XPR1: variants seen among roughly 807,000 people sequenced by gnomAD.
XPR1 encodes solute carrier family 53 member 1.
In XPR1, 28 loss-of-function variants were observed where a neutral mutation model predicts 87.5. That is an observed-to-expected ratio of 0.32 (90% CI 0.24 to 0.44). The LOEUF is 0.44. Ranked by LOEUF, XPR1 falls within the 20% of genes least tolerant of loss-of-function variation. XPR1 has a pLI of 1.00. For missense variants in XPR1, 559 were observed against 862.3 expected (o/e 0.65, Z 4.41); for synonymous variants, 300 against 306.1 (o/e 0.98, Z 0.21).
chr1:180,807,989 T>G (rs1184302731), intron 6 of XPR1, among the ~76,000 whole-genome samples: 3 of 152,044 alleles, frequency 2.0e-5, no homozygotes, highest in African/African-American at 4.8e-5. Context: ...AGAGCAAGAC[T>G]CTGTCTCCAA....
intron 3 of XPR1, among the ~76,000 whole-genome samples, chr1:180,800,005 T>G (rs1649723084): frequency 6.6e-6 from 1 of 152,220 alleles, no homozygotes; most frequent in South Asian, 2.1e-4. Context: ...TACTAATTTC[T>G]GCAGTTCTAT....
chr1:180,759,642 A>G (rs964452288), intron 2 of XPR1, among the ~76,000 whole-genome samples: 4 of 152,260 alleles, frequency 2.6e-5, no homozygotes, highest in East Asian at 1.9e-4. Flanking sequence ...CAACCAAAAA[A>G]AGTCCAGGAC....
chr1:180,743,175 T>G (rs1241236001), intron 2 of XPR1, among the ~76,000 whole-genome samples: 1 of 151,840 alleles, frequency 6.6e-6, no homozygotes, highest in Non-Finnish European at 1.5e-5. Context: ...TTATTATTAT[T>G]ATTTTTTTGC....
chr1:180,845,485 C>A (rs576010297), intron 11 of XPR1, among the ~76,000 whole-genome samples: 47 of 152,232 alleles, frequency 3.1e-4, no homozygotes, highest in South Asian at 1.7e-3. Flanking sequence ...CACAGTGGAC[C>A]TGCAAATAGT....
chr1:180,740,575 A>G (rs564195368), intron 2 of XPR1, among the ~76,000 whole-genome samples: 1 of 152,150 alleles, frequency 6.6e-6, no homozygotes, highest in Non-Finnish European at 1.5e-5. Context: ...TATTTTCTCA[A>G]TGATTTTTAC....
chr1:180,863,281 A>G (rs1652277763), intron 11 of XPR1, among the ~76,000 whole-genome samples: 1 of 152,160 alleles, frequency 6.6e-6, no homozygotes, highest in African/African-American at 2.4e-5. Flanking sequence ...AATGTTCTAA[A>G]GTAAAAACAA....
At chr1:180,689,769 C>T (rs1656917038) in intron 2 of XPR1, among the ~76,000 whole-genome samples, 1 of 152,054 alleles carries the variant, frequency 6.6e-6, no homozygotes, top group Admixed American at 6.6e-5. Flanking sequence ...TTATGTAAGA[C>T]GTTAATGATA....
intron 4 of XPR1, among the ~76,000 whole-genome samples, chr1:180,805,320 G>A (rs1411912803): frequency 6.6e-6 from 1 of 152,194 alleles, no homozygotes; most frequent in East Asian, 1.9e-4. Flanking sequence ...GTTTAAAGAT[G>A]TAACCTTGCA....
At chr1:180,699,438 C>T (rs902068037) in intron 2 of XPR1, among the ~76,000 whole-genome samples, 2 of 109,810 alleles carry the variant, frequency 1.8e-5, no homozygotes, top group African/African-American at 3.6e-5. Flanking sequence ...TTGTTCAATT[C>T]CCACCTATGA....
At chr1:180,770,333 C>T (rs2102065037) in intron 2 of XPR1, among the ~76,000 whole-genome samples, 1 of 152,264 alleles carries the variant, frequency 6.6e-6, no homozygotes, top group South Asian at 2.1e-4. Flanking sequence ...ATGGTTGGTT[C>T]TGGTGAGGGC....
chr1:180,853,575 A>G (rs1187771229), intron 11 of XPR1, among the ~76,000 whole-genome samples: 1 of 149,788 alleles, frequency 6.7e-6, no homozygotes, highest in Non-Finnish European at 1.5e-5. Flanking sequence ...ATGACTAGTG[A>G]TTTTTTTAAT....
chr1:180,785,011 T>TTGTGTGTGTG (rs1186269708), intron 2 of XPR1, among the ~76,000 whole-genome samples: 6,043 of 136,290 alleles, frequency 0.044, 207 homozygotes, highest in Middle Eastern at 0.064. Context: ...GTGTGTGTGT[T>TTGTGTGTGTG]TGTGTGTGTG....
intron 1 of XPR1, among the ~76,000 whole-genome samples, chr1:180,665,119 A>G (rs959326776): frequency 6.6e-6 from 1 of 152,214 alleles, no homozygotes; most frequent in Admixed American, 6.5e-5. Context: ...GGTCTTAGGA[A>G]TCTTACAATT....
chr1:180,875,773 C>T (rs554940279), intron 13 of XPR1, among the ~76,000 whole-genome samples: 1 of 151,924 alleles, frequency 6.6e-6, no homozygotes, highest in South Asian at 2.1e-4. Flanking sequence ...ATGATAAAGC[C>T]AAACTTAATT....
intron 3 of XPR1, among the ~76,000 whole-genome samples, chr1:180,794,447 G>A (rs2102102659): frequency 6.6e-6 from 1 of 152,284 alleles, no homozygotes; most frequent in South Asian, 2.1e-4. Context: ...TAGTAGAATA[G>A]AAAGTATCAC....
At chr1:180,859,391 G>C (rs912447098) in intron 11 of XPR1, among the ~76,000 whole-genome samples, 1 of 152,126 alleles carries the variant, frequency 6.6e-6, no homozygotes, top group African/African-American at 2.4e-5. Context: ...ATACTGGATA[G>C]AAGCTTAGAG....
At chr1:180,815,089 G>A (rs1650357671) in intron 7 of XPR1, among the ~76,000 whole-genome samples, 1 of 152,058 alleles carries the variant, frequency 6.6e-6, no homozygotes, top group Non-Finnish European at 1.5e-5. Flanking sequence ...TATATATGGT[G>A]GGGGTTGTTC....
intron 1 of XPR1, among the ~76,000 whole-genome samples, chr1:180,642,781 A>C (rs904581530): frequency 6.6e-6 from 1 of 152,112 alleles, no homozygotes; most frequent in African/African-American, 2.4e-5. Flanking sequence ...GTTATAGAGG[A>C]ATGACCAATT....
At chr1:180,645,187 CA>C (rs1290289788) in intron 1 of XPR1, among the ~76,000 whole-genome samples, 1 of 152,210 alleles carries the variant, frequency 6.6e-6, no homozygotes, top group Non-Finnish European at 1.5e-5. Context: ...TGGACAAAGC[CA>C]GTTCACCTGG....
Sources: allele counts gnomAD v4.1 joint callset (sites outside exome capture counted in the v4.1 genomes callset), GRCh38; gene constraint gnomAD v4.1.1; transcripts MANE v1.5; gene names NCBI Gene and HGNC (gene_info 2026-07-23, HGNC 2026-07-21).